FAAH2: variants seen among roughly 807,000 people sequenced by gnomAD.
FAAH2 encodes the protein fatty-acid amide hydrolase 2.
In FAAH2, 60 loss-of-function variants were observed where a neutral mutation model predicts 36.9. That is an observed-to-expected ratio of 1.63 (90% CI 1.32 to 2.02). The LOEUF is 2.02. Among genes scored for constraint, FAAH2 ranks in the 30% most tolerant of loss-of-function variants. The pLI, the probability that FAAH2 is intolerant of heterozygous loss-of-function variation, is 0.00. For synonymous variants in FAAH2, 214 were observed against 143.8 expected (o/e 1.49, Z -3.49); for missense variants, 689 against 397.5 (o/e 1.73, Z -6.23).
At chrX:57,170,290 A>G in the FAAH2 span, among the ~76,000 whole-genome samples, 10 of 111,967 alleles carry the variant, frequency 8.9e-5, no homozygotes, top group African/African-American at 3.2e-4. Context: ...TTCATGTTGT[A>G]ACATGTGACA....
At chrX:57,166,609 G>A in the FAAH2 span, among the ~76,000 whole-genome samples, 1 of 112,399 alleles carries the variant, frequency 8.9e-6, no homozygotes, top group Non-Finnish European at 1.9e-5. Flanking sequence ...CAATCTGGAA[G>A]AAAGCACAAG....
intron 7 of FAAH2, among the ~76,000 whole-genome samples, chrX:57,414,110 G>A (rs148605716): frequency 8.1e-4 from 91 of 111,990 alleles, no homozygotes; most frequent in African/African-American, 2.5e-3. Flanking sequence ...GAGATTTTGG[G>A]TTGAGACTAT....
At chrX:57,394,156 G>C (rs1478247780) in intron 7 of FAAH2, 1 of 661,325 alleles carries the variant, frequency 1.5e-6, no homozygotes, top group Non-Finnish European at 2.5e-6. Context: ...GAATGACCTG[G>C]GAGTAGCCGC....
the FAAH2 span, among the ~76,000 whole-genome samples, chrX:57,176,312 T>A: frequency 2.7e-5 from 3 of 110,999 alleles, no homozygotes; most frequent in Non-Finnish European, 5.7e-5. Flanking sequence ...ATTGGATTAA[T>A]TCAAAAGCTT....
intron 10 of FAAH2, among the ~76,000 whole-genome samples, chrX:57,485,824 T>C (rs750400415): frequency 3.2e-4 from 36 of 112,079 alleles, no homozygotes; most frequent in Non-Finnish European, 6.0e-4. Flanking sequence ...TTGGTGCCTA[T>C]GTGTTTGGGT....
In FAAH2 at chrX:57,296,270, C is replaced by T. The variant is rs1447825945; in HGVS notation, c.275+3690C>T. ...GAGACAAAACATCCAGAGGAACGAT[C>T]AGGCAGCAGCATTTGTGGTTCACCA... is the stretch of plus-strand genomic sequence containing the variant. On this transcript the variant is annotated intron_variant, in intron 2 of 10. Transcript: ENST00000374900. Among the ~76,000 whole-genome samples the T allele has an allele frequency of 3.6e-5, 4 of 111,065 alleles. No homozygotes were observed. The East Asian group carries it at 1.1e-3, about 32-fold the overall frequency.
At chrX:57,337,483 T>A (rs2053583056) in intron 4 of FAAH2, among the ~76,000 whole-genome samples, 2 of 111,771 alleles carry the variant, frequency 1.8e-5, no homozygotes, top group African/African-American at 6.5e-5. Flanking sequence ...AGATTCTTGA[T>A]GAACATCAAT....
chrX:57,163,138 C>T, the FAAH2 span, among the ~76,000 whole-genome samples: 6 of 111,964 alleles, frequency 5.4e-5, no homozygotes, highest in Non-Finnish European at 9.4e-5. Flanking sequence ...TGTCAGTGTG[C>T]CCCTGCTGGG....
chrX:57,278,455 G>A, the FAAH2 span, among the ~76,000 whole-genome samples: 1 of 111,378 alleles, frequency 9.0e-6, no homozygotes, highest in South Asian at 3.7e-4. Flanking sequence ...TTAAATGCTA[G>A]ACCTAAAACC....
chrX:57,122,635 A>T, the FAAH2 span, among the ~76,000 whole-genome samples: 2 of 112,512 alleles, frequency 1.8e-5, no homozygotes, highest in African/African-American at 6.5e-5. Context: ...ATTTATTAAA[A>T]GGTAAAAAGC....
chrX:57,393,984 T>C, intron 7 of FAAH2: 1 of 777,248 alleles, frequency 1.3e-6, no homozygotes, highest in Non-Finnish European at 2.0e-6. Context: ...TCAGAGAACT[T>C]TCTCACTCCA....
At chrX:57,468,514 G>T (rs914390450) in intron 10 of FAAH2, among the ~76,000 whole-genome samples, 4 of 111,807 alleles carry the variant, frequency 3.6e-5, no homozygotes, top group Non-Finnish European at 5.6e-5. Flanking sequence ...AAGATCAAAT[G>T]AATGAAATGA....
chrX:57,477,847 C>T (rs5960988), intron 10 of FAAH2, among the ~76,000 whole-genome samples: 40,241 of 110,659 alleles, frequency 0.36, 6,272 homozygotes, highest in Middle Eastern at 0.62. Context: ...CATAGTATTC[C>T]ATGGTGTATG....
At chrX:57,483,683 C>T (rs1340797202) in intron 10 of FAAH2, among the ~76,000 whole-genome samples, 1 of 109,142 alleles carries the variant, frequency 9.2e-6, no homozygotes, top group Non-Finnish European at 1.9e-5. Context: ...ATTTTTCTTT[C>T]CCTATTTTTT....
chrX:57,431,763 G>GTTTTTTTTT (rs200270868), intron 7 of FAAH2, among the ~76,000 whole-genome samples, 155 bp from the exon 8 acceptor site: 16 of 13,633 alleles, frequency 1.2e-3, no homozygotes, highest in Admixed American at 1.9e-3. Context: ...TTTTGTTTTT[G>GTTTTTTTTT]TTTTTTTGTT....
At chrX:57,143,995 T>A in the FAAH2 span, among the ~76,000 whole-genome samples, 1 of 112,191 alleles carries the variant, frequency 8.9e-6, no homozygotes, top group Non-Finnish European at 1.9e-5. Flanking sequence ...ATGAATTTCA[T>A]CAGCTTTTCT....
In FAAH2 at chrX:57,489,143, G is replaced by C; in HGVS notation, c.*211G>C. ...TTTGCTTCTTGCTTTTATGTTACTG[G>C]AAAATTAGGACATGTAAATGGATAA... On this transcript the variant is annotated 3_prime_UTR_variant, in exon 11 of 11. Coordinates refer to ENST00000374900, the MANE Select transcript of FAAH2 (RefSeq NM_174912.4). 2.5e-6 allele frequency: 1 copy of C among 392,838 alleles called. No homozygotes were observed. The highest frequency in any genetic ancestry group is 4.2e-6 in the Non-Finnish European group (1 of 237,841). 32.4% of individuals were successfully genotyped at this position (392,838 alleles called of 1,213,427 possible). A position where few individuals can be genotyped will look rare whatever the true frequency, so the allele number is the denominator to read the frequency against.
At chrX:57,408,021 G>A (rs2147327703) in intron 7 of FAAH2, among the ~76,000 whole-genome samples, 1 of 111,224 alleles carries the variant, frequency 9.0e-6, no homozygotes, top group East Asian at 2.8e-4. Context: ...CTGTTTTGAT[G>A]CCAATACCAT....
chrX:57,215,415 CA>C, the FAAH2 span, among the ~76,000 whole-genome samples: 1 of 111,657 alleles, frequency 9.0e-6, no homozygotes, highest in Non-Finnish European at 1.9e-5. Flanking sequence ...GGCAATTCCT[CA>C]AAAACCTACA....
Sources: allele counts gnomAD v4.1 joint callset (sites outside exome capture counted in the v4.1 genomes callset), GRCh38; gene constraint gnomAD v4.1.1; transcripts MANE v1.5; gene names NCBI Gene and HGNC (gene_info 2026-07-23, HGNC 2026-07-21).